Variants in PHLPP2 observed in about 807,000 individuals in gnomAD.
The protein encoded by PHLPP2 is PH domain leucine-rich repeat-containing protein phosphatase 2.
A neutral mutation model predicts 124.9 loss-of-function variants in PHLPP2; 66 were observed. The ratio of observed to expected loss-of-function variants is 0.53; its 90% confidence interval spans 0.43 to 0.65. The LOEUF (loss-of-function observed/expected upper bound fraction) is 0.65, where lower values mean the gene tolerates loss of function less well. PHLPP2 is among the 30% of genes least tolerant of loss of function. The probability of loss-of-function intolerance (pLI) is 0.00; values close to 1 mark genes in which losing one functional copy is unlikely to be tolerated. For synonymous variants in PHLPP2, 681 were observed against 624.7 expected (o/e 1.09, Z -1.34); for missense variants, 1,685 against 1,600.4 (o/e 1.05, Z -0.90).
chr16:71,684,868 G>C (rs1334677106), intron 4 of PHLPP2, among the ~76,000 whole-genome samples: 3 of 152,108 alleles, frequency 2.0e-5, no homozygotes, highest in African/African-American at 7.2e-5. Flanking sequence ...TTGCAGGTCA[G>C]GAAGCAGGAT....
At chr16:71,679,565 C>T in intron 6 of PHLPP2, 30 bp from the exon 7 acceptor site, 6 of 1,577,514 alleles carry the variant, frequency 3.8e-6, no homozygotes, top group South Asian at 3.3e-5. Context: ...ATGGGTATTG[C>T]ATTTCAATAC....
chr16:71,687,856 T>C (rs1408122430), intron 4 of PHLPP2, among the ~76,000 whole-genome samples: 1 of 152,204 alleles, frequency 6.6e-6, no homozygotes, highest in East Asian at 1.9e-4. Context: ...GAACTCCTAT[T>C]AGATGTATAC....
intron 15 of PHLPP2, 151 bp downstream of exon 15, chr16:71,658,082 T>TA (rs1467244866): frequency 4.9e-6 from 3 of 614,258 alleles, no homozygotes; most frequent in Non-Finnish European, 8.2e-6. Context: ...CATCTATTCA[T>TA]AACTTAATCA....
At chr16:71,698,090 G>A (rs978970821) in intron 3 of PHLPP2, among the ~76,000 whole-genome samples, 22 of 151,956 alleles carry the variant, frequency 1.4e-4, no homozygotes, top group Admixed American at 9.2e-4. Context: ...CTCGTGATCC[G>A]CCTGCCACAG....
Position 71,646,576 on chromosome 16 carries a change from G to A in PHLPP2, c.*2314C>T, listed in dbSNP as rs1428483272. The A allele has an allele frequency of 1.3e-5, 2 of 152,148 alleles. No homozygotes were observed. Among genetic ancestry groups the A allele is most frequent in the African/African-American group, 4.8e-5 (2 of 41,448 alleles). 9.4% of individuals were successfully genotyped at this position (152,148 alleles called of 1,614,324 possible). A position where few individuals can be genotyped will look rare whatever the true frequency, so the allele number is the denominator to read the frequency against. ...TATAAGACTATACTATTAAAGTGGT[G>A]TATTCCCAAAATAACTTTAATTTTT... On this transcript the variant is annotated 3_prime_UTR_variant, in exon 19 of 19. Transcript: ENST00000568954.
intron 1 of PHLPP2, among the ~76,000 whole-genome samples, chr16:71,718,779 A>C (rs980847900): frequency 6.6e-6 from 1 of 152,170 alleles, no homozygotes; most frequent in Non-Finnish European, 1.5e-5. Context: ...ACCTCAAAGG[A>C]TCTATCTCCT....
chr16:71,676,661 GAA>G lies in PHLPP2; in HGVS notation c.1269-14_1269-13del. 1 of 1,575,896 alleles carries G rather than the reference GAA, an allele frequency of 6.3e-7. No individual in the cohort carries two copies. Among genetic ancestry groups the G allele is most frequent in the Non-Finnish European group, 8.7e-7 (1 of 1,145,540 alleles). ...TCAAATGGTTCATCCTTAATACGCA[GAA>G]ACAAGAAAATAATCATAAATAAGAG... is the stretch of plus-strand genomic sequence containing the variant. On this transcript the variant is annotated splice_polypyrimidine_tract_variant and intron_variant, in intron 8 of 18. Transcript: ENST00000568954.
chr16:71,684,388 A>C, intron 5 of PHLPP2, 88 bp downstream of exon 5: 1 of 1,375,040 alleles, frequency 7.3e-7, no homozygotes, highest in South Asian at 1.2e-5. Flanking sequence ...GGCCTCCCAA[A>C]GTGCTGGGAT....
At chr16:71,700,456 T>G (rs528041753) in intron 3 of PHLPP2, among the ~76,000 whole-genome samples, 2 of 149,316 alleles carry the variant, frequency 1.3e-5, no homozygotes, top group South Asian at 2.2e-4. Flanking sequence ...TCTTTGACAC[T>G]CCTTTCAAAA....
chr16:71,723,742 C>CGCTCGCTG (rs746705942), intron 1 of PHLPP2: 4 of 1,161,528 alleles, frequency 3.4e-6, no homozygotes, highest in Non-Finnish European at 3.4e-6. Context: ...CCCGCTCGCT[C>CGCTCGCTG]GCTCGCTGGT....
chr16:71,665,209 T>C (rs1415102176), intron 12 of PHLPP2, among the ~76,000 whole-genome samples: 11 of 152,002 alleles, frequency 7.2e-5, no homozygotes, highest in Admixed American at 4.6e-4. Context: ...CTTGGGAGGC[T>C]GAGGCAGGAG....
chr16:71,717,254 G>T (rs1026357199), intron 1 of PHLPP2, among the ~76,000 whole-genome samples: 5 of 152,164 alleles, frequency 3.3e-5, no homozygotes, highest in Admixed American at 6.5e-5. Flanking sequence ...ATATTTGAGG[G>T]TAATACATTT....
chr16:71,721,215 C>T (rs1025175746), intron 1 of PHLPP2, among the ~76,000 whole-genome samples: 2 of 151,928 alleles, frequency 1.3e-5, no homozygotes, highest in Non-Finnish European at 1.5e-5. Context: ...TGCCTATGAT[C>T]CCAGCTACTC....
At chr16:71,660,643 A>T (rs1485441935) in intron 13 of PHLPP2, among the ~76,000 whole-genome samples, 1 of 151,958 alleles carries the variant, frequency 6.6e-6, no homozygotes, top group African/African-American at 2.4e-5. Flanking sequence ...TGACCTCGTG[A>T]TCTGCCCACC....
At chr16:71,723,694 G>T in intron 1 of PHLPP2, 1 of 676,532 alleles carries the variant, frequency 1.5e-6, no homozygotes, top group Non-Finnish European at 2.2e-6. Flanking sequence ...GCGGCCTCTA[G>T]CCTCCCTCGT....
chr16:71,713,006 AATCAAAGAG>A (rs1453846354), intron 2 of PHLPP2, among the ~76,000 whole-genome samples: 20 of 152,348 alleles, frequency 1.3e-4, no homozygotes, highest in African/African-American at 4.6e-4. Context: ...TAAAAAGCTG[AATCAAAGAG>A]TTCACATGCA....
At chr16:71,664,253 T>G in intron 12 of PHLPP2, 154 bp from the exon 13 acceptor site, 1 of 624,400 alleles carries the variant, frequency 1.6e-6, no homozygotes, top group Non-Finnish European at 2.8e-6. Context: ...CTCTAATTGA[T>G]CCTATCCAAC....
At position 71,664,012 on chromosome 16, in the gene PHLPP2, C is replaced by A; in HGVS notation, c.1872G>T (p.Leu624=). 1 of 1,613,898 alleles carries A rather than the reference C, an allele frequency of 6.2e-7. No individual in the cohort carries two copies. Among genetic ancestry groups the A allele is most frequent in the Non-Finnish European group, 8.5e-7 (1 of 1,179,788 alleles). ...TCAGGAGATTGTTGGTCAGATAAAG[C>A]AGCTGCAGCATACTCAAACTCTCCT... ...TGEESLSMLQ[L]LYLTNNLLTD... Residue 624 remains leucine (L), a synonymous_variant, in exon 13 of 19, where the codon CTG becomes CTT. Transcript: ENST00000568954.
At chr16:71,698,309 A>G (rs958914906) in intron 3 of PHLPP2, among the ~76,000 whole-genome samples, 6 of 152,190 alleles carry the variant, frequency 3.9e-5, no homozygotes, top group African/African-American at 7.2e-5. Context: ...CTTCAAATTC[A>G]TCTGCATTGA....
Sources: allele counts gnomAD v4.1 joint callset (sites outside exome capture counted in the v4.1 genomes callset), GRCh38; gene constraint gnomAD v4.1.1; transcripts MANE v1.5; gene names NCBI Gene and HGNC (gene_info 2026-07-23, HGNC 2026-07-21).